The following GAD1 variants were observed in gnomAD, a reference collection of about 807,000 sequenced individuals.
GAD1 encodes glutamate decarboxylase 1, also known as 67 kDa glutamic acid decarboxylase.
GAD1 carries 35 observed loss-of-function variants against 75.2 expected under a neutral mutation model. The observed-to-expected ratio is 0.47, with a 90% CI of 0.36 to 0.62. The LOEUF (loss-of-function observed/expected upper bound fraction) is 0.62. GAD1 is among the 20% of genes least tolerant of loss of function. GAD1 has a pLI of 0.00. For missense variants in GAD1, 490 were observed against 758.5 expected, an observed-to-expected ratio of 0.65 and a Z score of 4.16; for synonymous variants, 257 against 271.9, an observed-to-expected ratio of 0.95 and a Z score of 0.54.
chr2:170,827,693 G>T (rs1038552759), intron 3 of GAD1, among the ~76,000 whole-genome samples: 2 of 152,168 alleles, frequency 1.3e-5, no homozygotes, highest in Non-Finnish European at 2.9e-5. Flanking sequence ...TGGATGACTA[G>T]TTTTATTCCA....
chr2:170,846,831 C>T (rs45555432), intron 10 of GAD1, among the ~76,000 whole-genome samples: 1 of 152,066 alleles, frequency 6.6e-6, no homozygotes, highest in Non-Finnish European at 1.5e-5. Flanking sequence ...CATAGGGTAA[C>T]CCACATCTCT....
In GAD1 at chr2:170,844,049, A is replaced by C; in HGVS notation, c.643A>C (p.Thr215Pro). Reference sequence around the variant, plus strand: ...TTCTTCTTACCACCTTTCCAGGTTTACATATGAAATTGCACCAGTGTTTGT... The same window carrying C: ...TTCTTCTTACCACCTTTCCAGGTTTCCATATGAAATTGCACCAGTGTTTGT... Reference protein sequence around the residue: ...LTSTANTNMFTYEIAPVFVLM... With the variant: ...LTSTANTNMFPYEIAPVFVLM... Residue 215 changes from threonine to proline, a missense_variant, in exon 7 of 17, where the codon ACA (threonine) becomes CCA (proline). This residue lies in a region of GAD1 where 324 missense variants were observed against 523.9 expected (regional missense o/e 0.62). Transcript: ENST00000358196. The C allele has an allele frequency of 6.4e-7, 1 of 1,551,546 alleles. No homozygotes were observed. Among genetic ancestry groups the C allele is most frequent in the Non-Finnish European group, 8.9e-7 (1 of 1,123,160 alleles).
intron 3 of GAD1, among the ~76,000 whole-genome samples, chr2:170,824,288 C>T (rs951943910): frequency 1.1e-4 from 16 of 152,062 alleles, no homozygotes; most frequent in African/African-American, 3.6e-4. Flanking sequence ...TTTTCCACAC[C>T]TTGAGACAAC....
upstream of GAD1, among the ~76,000 whole-genome samples, chr2:170,814,173 G>A (rs2105741119): frequency 6.6e-6 from 1 of 152,222 alleles, no homozygotes; most frequent in East Asian, 1.9e-4. Flanking sequence ...TGACAACCAC[G>A]GCCACTCTTA....
chr2:170,830,369 A>G (rs1702189827), intron 4 of GAD1, among the ~76,000 whole-genome samples: 1 of 152,110 alleles, frequency 6.6e-6, no homozygotes. Context: ...ACCCAAAGTC[A>G]CCTCTGGATA....
rs954278189 is a variant in GAD1 at position 170,818,887 on chromosome 2, A to G, written c.82+214A>G. Among the ~76,000 whole-genome samples the G allele has an allele frequency of 2.0e-5, 3 of 151,582 alleles. No individual in the cohort carries two copies. Among genetic ancestry groups the G allele is most frequent in the Non-Finnish European group, 4.4e-5 (3 of 67,944 alleles). On this transcript the variant is annotated intron_variant, in intron 2 of 16. Coordinates refer to ENST00000358196, the MANE Select transcript of GAD1 (RefSeq NM_000817.3). The surrounding 1 kb of genome is among the most constrained non-coding windows in gnomAD (Gnocchi z 5.9). ...GGCACCGGAAAGCGAGGACCACGCA[A>G]GGTCCGAGCAGCGGCGATCGTTGAG...
Sources: gnomAD v4.1 joint callset for allele counts (sites outside exome capture counted in the v4.1 genomes callset) on GRCh38, gnomAD v4.1.1 for gene constraint, gnomAD v4.1.1 regional missense constraint, Gnocchi (gnomAD v3.1) non-coding constraint, MANE v1.5 for transcripts, NCBI Gene and HGNC (gene_info 2026-07-23, HGNC 2026-07-21) for gene names.